RGSL1: variants seen among roughly 807,000 people sequenced by gnomAD.
The protein encoded by RGSL1 is regulator of G protein signaling protein-like.
A neutral mutation model predicts 124.7 loss-of-function variants in RGSL1; 97 were observed. That is an observed-to-expected ratio of 0.78 (90% CI 0.66 to 0.92). RGSL1 has a LOEUF of 0.92. Ranked by LOEUF, RGSL1 falls within the 40% of genes least tolerant of loss-of-function variation. The pLI, the probability that RGSL1 is intolerant of heterozygous loss-of-function variation, is 0.00. For missense variants in RGSL1, 1,233 were observed against 1,288.4 expected, an observed-to-expected ratio of 0.96 and a Z score of 0.66; for synonymous variants, 424 against 438.1, an observed-to-expected ratio of 0.97 and a Z score of 0.40.
intron 2 of RGSL1, among the ~76,000 whole-genome samples, chr1:182,458,017 G>A (rs1215764130): frequency 1.3e-5 from 2 of 152,210 alleles, no homozygotes; most frequent in Admixed American, 6.5e-5. Context: ...CTAATATCAT[G>A]GGCCTTGGCC....
At position 182,556,319 on chromosome 1, in the gene RGSL1, G is replaced by A. The variant is rs1390812856; in HGVS notation, c.*165+97G>A. ...TCTAGGTCTTGCTCCACATCTTCCTGGCTGTGTGCAAATCCTGGCTCAGGT... is the reference window on the plus strand; with the variant it reads ...TCTAGGTCTTGCTCCACATCTTCCTAGCTGTGTGCAAATCCTGGCTCAGGT... On this transcript the variant is annotated intron_variant, in intron 21 of 21. Coordinates refer to ENST00000294854, the MANE Select transcript of RGSL1 (RefSeq NM_001137669.2). The A allele has an allele frequency of 7.1e-6, 3 of 423,030 alleles. No homozygotes were observed. In the East Asian group the frequency reaches 1.1e-4, roughly 16 times the overall value. 26.2% of individuals were successfully genotyped at this position (423,030 alleles called of 1,614,324 possible). A position where few individuals can be genotyped will look rare whatever the true frequency, so the allele number is the denominator to read the frequency against.
chr1:182,540,616 C>T (rs1659833915), intron 15 of RGSL1, among the ~76,000 whole-genome samples, 195 bp downstream of exon 15: 2 of 152,128 alleles, frequency 1.3e-5, no homozygotes, highest in Admixed American at 6.6e-5. Flanking sequence ...GTGCTAAAAG[C>T]TCTTCAGTAT....
At chr1:182,490,902 G>A (rs1324980976) in intron 8 of RGSL1, among the ~76,000 whole-genome samples, 1 of 146,954 alleles carries the variant, frequency 6.8e-6, no homozygotes, top group East Asian at 2.0e-4. Flanking sequence ...GAGTACCAGA[G>A]CTAGAACATT....
chr1:182,467,441 C>A (rs187944207), intron 4 of RGSL1, among the ~76,000 whole-genome samples: 219 of 152,232 alleles, frequency 1.4e-3, no homozygotes, highest in African/African-American at 4.7e-3. Context: ...CGGAACAGAA[C>A]AGAGCCCTCA....
At chr1:182,503,837 G>A (rs79017921) in intron 9 of RGSL1, among the ~76,000 whole-genome samples, 8,956 of 152,084 alleles carry the variant, frequency 0.059, 377 homozygotes, top group South Asian at 0.18. Flanking sequence ...ATTATGTATT[G>A]CATGCCTGTA....
intron 13 of RGSL1, 61 bp from the exon 14 acceptor site, chr1:182,532,601 A>T: frequency 3.3e-6 from 5 of 1,514,654 alleles, no homozygotes; most frequent in Admixed American, 2.0e-5. Flanking sequence ...GGCACACAGT[A>T]GACTCTCGGT....
In RGSL1 at chr1:182,530,825, A is replaced by C; in HGVS notation, c.2279A>C (p.His760Pro). The change falls in exon 13 of 22, where the codon CAT becomes CCT. Residue 760 changes from histidine (H) to proline (P), a missense_variant. Physicochemically the swap from His to Pro is moderately conservative, Grantham distance 77. Coordinates refer to ENST00000294854, the MANE Select transcript of RGSL1 (RefSeq NM_001137669.2). ...TATCAAGACCTGTTCCCACCTCACC[A>C]TCAGGAGGTGGAAGTGCAAAGTGAA... ...KDYQDLFPPH[H>P]QEVEVQSEVQ... 6.5e-7 allele frequency: 1 copy of C among 1,550,120 alleles called. No individual in the cohort carries two copies. Among genetic ancestry groups the C allele is most frequent in the Non-Finnish European group, 8.7e-7 (1 of 1,146,132 alleles).
intron 2 of RGSL1, among the ~76,000 whole-genome samples, chr1:182,454,530 G>C (rs1652123045): frequency 6.6e-6 from 1 of 151,886 alleles, no homozygotes; most frequent in African/African-American, 2.4e-5. Context: ...GGAACCTCCT[G>C]ATGGGAACTT....
chr1:182,507,050 C>T (rs503535), intron 9 of RGSL1, among the ~76,000 whole-genome samples: 5,801 of 141,690 alleles, frequency 0.041, 187 homozygotes, highest in African/African-American at 0.09. Flanking sequence ...AGTGCAATGG[C>T]ACGATTTTGG....
intron 9 of RGSL1, among the ~76,000 whole-genome samples, chr1:182,505,671 A>C (rs1022038651): frequency 6.6e-6 from 1 of 152,192 alleles, no homozygotes; most frequent in Non-Finnish European, 1.5e-5. Context: ...ATTTGTATTT[A>C]AAACTAATAA....
intron 9 of RGSL1, among the ~76,000 whole-genome samples, chr1:182,508,304 T>TG (rs1190437920): frequency 5.7e-5 from 8 of 139,654 alleles, no homozygotes; most frequent in Non-Finnish European, 1.5e-5. Context: ...TTTTTTTTTT[T>TG]TTTTTTTTTT....
intron 4 of RGSL1, among the ~76,000 whole-genome samples, chr1:182,468,162 G>T (rs1367000482): frequency 6.6e-6 from 1 of 152,226 alleles, no homozygotes; most frequent in Non-Finnish European, 1.5e-5. Flanking sequence ...ACTTTACGCT[G>T]TTGGTGGGAC....
At position 182,472,485 on chromosome 1, in the gene RGSL1, C is replaced by T. The variant is rs1653928264; in HGVS notation, c.391C>T (p.Leu131Phe). The change falls in exon 5 of 22, where the codon CTC becomes TTC. Residue 131 changes from leucine (L) to phenylalanine (F), a missense_variant. Transcript: ENST00000294854. ...GGAAGTGAGAGACTACTACCTGTCC[C>T]TCCTCCTCATGCTGAGGGCCACTCA... ...DLEVRDYYLSLLLMLRATHLQ... is the reference protein window; with the variant it reads ...DLEVRDYYLSFLLMLRATHLQ... The T allele has an allele frequency of 6.4e-7, 1 of 1,550,998 alleles. No homozygotes were observed. Among genetic ancestry groups the T allele is most frequent in the Non-Finnish European group, 8.7e-7 (1 of 1,146,584 alleles).
intron 15 of RGSL1, among the ~76,000 whole-genome samples, chr1:182,546,551 G>A (rs557811331): frequency 5.5e-4 from 83 of 152,056 alleles, no homozygotes; most frequent in African/African-American, 2.0e-3. Flanking sequence ...ATGCCACCAC[G>A]CCCAGCTAAT....
At chr1:182,516,912 G>C (rs1032957145) in intron 9 of RGSL1, among the ~76,000 whole-genome samples, 1 of 152,190 alleles carries the variant, frequency 6.6e-6, no homozygotes, top group African/African-American at 2.4e-5. Context: ...TTCTGGGTTT[G>C]TCTGTGTACT....
intron 18 of RGSL1, among the ~76,000 whole-genome samples, chr1:182,552,128 T>C (rs1660599039): frequency 6.6e-6 from 1 of 151,990 alleles, no homozygotes; most frequent in South Asian, 2.1e-4. Context: ...TTTTTTTTTT[T>C]TTTGAGAGGC....
intron 4 of RGSL1, among the ~76,000 whole-genome samples, chr1:182,464,992 C>T (rs1373735207): frequency 1.3e-5 from 2 of 150,498 alleles, no homozygotes; most frequent in Non-Finnish European, 2.9e-5. Flanking sequence ...ACGAGGATTG[C>T]TTGAGCCCAG....
chr1:182,527,823 A>G (rs1658868289), intron 11 of RGSL1, 51 bp downstream of exon 11: 1 of 1,456,530 alleles, frequency 6.9e-7, no homozygotes, highest in Non-Finnish European at 9.3e-7. Context: ...GTGTCTTAGG[A>G]GAATAGCCTG....
chr1:182,488,227 A>C lies in RGSL1; in HGVS notation c.1432-58A>C. ...CTGCTCCCAGGTGAACATATGCAGG[A>C]AAGATGCAGCAAGCTGACCATCCAC... On this transcript the variant is annotated intron_variant, in intron 6 of 21. Transcript: ENST00000294854. 3 of 1,492,820 alleles carry C rather than the reference A, an allele frequency of 2.0e-6. No homozygotes were observed. The South Asian group carries it at 3.6e-5, about 18-fold the overall frequency. The allele number at this position is 1,492,820 out of a possible 1,614,324, so 92.5% of individuals were successfully genotyped here.
Sources: gnomAD v4.1 joint callset for allele counts (sites outside exome capture counted in the v4.1 genomes callset) on GRCh38, gnomAD v4.1.1 for gene constraint, MANE v1.5 for transcripts, NCBI Gene and HGNC (gene_info 2026-07-23, HGNC 2026-07-21) for gene names.